SDK1: variants seen among roughly 807,000 people sequenced by gnomAD.
SDK1 encodes the protein sidekick cell adhesion molecule 1, also known as protein sidekick-1.
Under a neutral mutation model 245.5 loss-of-function variants are expected in SDK1, and 157 were observed. That is an observed-to-expected ratio of 0.64 (90% CI 0.56 to 0.73). The LOEUF (loss-of-function observed/expected upper bound fraction) is 0.73, where lower values mean the gene tolerates loss of function less well. Ranked by LOEUF, SDK1 falls within the 30% of genes least tolerant of loss-of-function variation. The pLI is 0.00. For synonymous variants in SDK1, 1,647 were observed against 1,278.5 expected (o/e 1.29, Z -6.15); for missense variants, 3,583 against 3,002.3 (o/e 1.19, Z -4.52).
At chr7:3,978,591 C>G (rs1205075531) in intron 13 of SDK1, among the ~76,000 whole-genome samples, 2 of 152,136 alleles carry the variant, frequency 1.3e-5, no homozygotes, top group Non-Finnish European at 2.9e-5. Flanking sequence ...GGTGTTCCTT[C>G]ATGGGGTGTC....
chr7:4,243,735 C>G (rs1275624884), intron 43 of SDK1, among the ~76,000 whole-genome samples: 1 of 152,166 alleles, frequency 6.6e-6, no homozygotes, highest in Non-Finnish European at 1.5e-5. Context: ...GGAGCCACAA[C>G]TCAAGATGAG....
intron 30 of SDK1, among the ~76,000 whole-genome samples, chr7:4,155,742 A>G (rs756755736): frequency 6.6e-6 from 1 of 152,140 alleles, no homozygotes; most frequent in Non-Finnish European, 1.5e-5. Flanking sequence ...GCAGATGGGG[A>G]ATAGCATCCT....
intron 1 of SDK1, among the ~76,000 whole-genome samples, chr7:3,458,824 C>G (rs1780749291): frequency 1.3e-5 from 2 of 152,112 alleles, no homozygotes; most frequent in Admixed American, 1.3e-4. Flanking sequence ...TTTCATTGGT[C>G]TGTTTTGTCT....
intron 35 of SDK1, among the ~76,000 whole-genome samples, chr7:4,203,162 C>T (rs561372875): frequency 3.9e-5 from 6 of 152,352 alleles, no homozygotes; most frequent in Admixed American, 2.6e-4. Flanking sequence ...CAGGCCCCAG[C>T]GCCCAGCCAC....
chr7:3,474,145 C>G (rs985873231), intron 1 of SDK1, among the ~76,000 whole-genome samples: 2 of 125,106 alleles, frequency 1.6e-5, no homozygotes, highest in Non-Finnish European at 3.1e-5. Flanking sequence ...CTCTGTTGCC[C>G]AGGCTGGGGC....
At position 4,060,957 on chromosome 7, in the gene SDK1, T is replaced by C. The variant is rs190172334; in HGVS notation, c.2912-6881T>C. Among the ~76,000 whole-genome samples, 95 of 152,142 alleles carry C rather than the reference T, an allele frequency of 6.2e-4. No individual in the cohort carries two copies. The East Asian group carries it at 0.014, about 22-fold the overall frequency. On this transcript the variant is annotated intron_variant, in intron 19 of 44. Coordinates refer to ENST00000404826, the MANE Select transcript of SDK1 (RefSeq NM_152744.4). ...GTCAAAGATCAGATAGTTGTAGATATGTGGTGTTATTTCAGAGGGCTCTGT... is the reference window on the plus strand; with the variant it reads ...GTCAAAGATCAGATAGTTGTAGATACGTGGTGTTATTTCAGAGGGCTCTGT...
At chr7:4,220,996 ACTC>A (rs1785123037) in intron 39 of SDK1, among the ~76,000 whole-genome samples, 1 of 150,200 alleles carries the variant, frequency 6.7e-6, no homozygotes, top group African/African-American at 2.5e-5. Flanking sequence ...TGTTGCCCAA[ACTC>A]CTGGGCTCAA....
chr7:3,638,287 T>C lies in SDK1; in HGVS notation c.459-717T>C, dbSNP rs187735991. Among the ~76,000 whole-genome samples, 462 of 152,298 alleles carry C rather than the reference T, an allele frequency of 3.0e-3. 1 individual carries two copies. The highest frequency in any genetic ancestry group is 0.014 in the Middle Eastern group (4 of 294). ...GACCCAGCCATCCCATTACTGGGTA[T>C]ATACCCAAAGGATTATAAATCATGC... On this transcript the variant is annotated intron_variant, in intron 2 of 44. Transcript: ENST00000404826.
At chr7:3,310,765 A>G (rs1325559853) in intron 1 of SDK1, among the ~76,000 whole-genome samples, 1 of 152,236 alleles carries the variant, frequency 6.6e-6, no homozygotes. Flanking sequence ...AGTATAGCAT[A>G]CTGTTTAAGA....
chr7:3,515,873 A>T (rs1782730122), intron 1 of SDK1, among the ~76,000 whole-genome samples: 1 of 152,140 alleles, frequency 6.6e-6, no homozygotes, highest in Non-Finnish European at 1.5e-5. Flanking sequence ...AATATTCTTC[A>T]CTAATGAAAA....
intron 22 of SDK1, among the ~76,000 whole-genome samples, chr7:4,096,545 G>T (rs879509172): frequency 2.6e-5 from 4 of 152,138 alleles, no homozygotes; most frequent in Non-Finnish European, 5.9e-5. Flanking sequence ...TCAGAGACCA[G>T]AAGTTCATTT....
At chr7:3,829,399 C>T (rs185508198) in intron 5 of SDK1, among the ~76,000 whole-genome samples, 5 of 152,208 alleles carry the variant, frequency 3.3e-5, no homozygotes, top group South Asian at 2.1e-4. Flanking sequence ...TGACAGATAT[C>T]GTCACGTATA....
intron 1 of SDK1, among the ~76,000 whole-genome samples, chr7:3,544,843 T>C (rs1779166882): frequency 6.6e-6 from 1 of 152,198 alleles, no homozygotes; most frequent in African/African-American, 2.4e-5. Context: ...GTGTCACTGC[T>C]CGTCACAGTT....
intron 1 of SDK1, among the ~76,000 whole-genome samples, chr7:3,374,673 C>G (rs1009845144): frequency 4.6e-5 from 7 of 152,090 alleles, no homozygotes; most frequent in African/African-American, 9.7e-5. Context: ...CTGCCTAGAC[C>G]AATTTCTAAC....
chr7:3,838,528 G>T (rs922071368), intron 5 of SDK1, among the ~76,000 whole-genome samples: 2 of 152,230 alleles, frequency 1.3e-5, no homozygotes, highest in African/African-American at 4.8e-5. Flanking sequence ...TCACAGACTT[G>T]CAGCTCACCT....
At chr7:3,927,834 G>A (rs1006113512) in intron 5 of SDK1, among the ~76,000 whole-genome samples, 1 of 152,216 alleles carries the variant, frequency 6.6e-6, no homozygotes, top group Non-Finnish European at 1.5e-5. Context: ...AATGGAAATC[G>A]TGGTTGCAAC....
chr7:3,950,859 G>T (rs1433475027), intron 5 of SDK1, 64 bp from the exon 6 acceptor site: 29 of 1,289,538 alleles, frequency 2.2e-5, no homozygotes, highest in Non-Finnish European at 3.1e-5. Flanking sequence ...TGTCCCCTCA[G>T]ATAACGGCGG....
chr7:3,855,415 T>C (rs966453636), intron 5 of SDK1, among the ~76,000 whole-genome samples: 3 of 152,154 alleles, frequency 2.0e-5, no homozygotes, highest in South Asian at 2.1e-4. Flanking sequence ...ACATATTGCA[T>C]CCATTAGAAA....
chr7:3,762,705 A>G (rs1780142545), intron 4 of SDK1, among the ~76,000 whole-genome samples: 1 of 152,232 alleles, frequency 6.6e-6, no homozygotes, highest in Non-Finnish European at 1.5e-5. Flanking sequence ...ATTCACTGTA[A>G]TAGACTTAAA....
Sources: allele counts gnomAD v4.1 joint callset (sites outside exome capture counted in the v4.1 genomes callset), GRCh38; gene constraint gnomAD v4.1.1; transcripts MANE v1.5; gene names NCBI Gene and HGNC (gene_info 2026-07-23, HGNC 2026-07-21).